PPP2R5E: variants seen among roughly 807,000 people sequenced by gnomAD.
The protein encoded by PPP2R5E is protein phosphatase 2 regulatory subunit B'epsilon, also known as serine/threonine-protein phosphatase 2A 56 kDa regulatory subunit epsilon isoform.
PPP2R5E carries 4 observed loss-of-function variants against 65.3 expected under a neutral mutation model. The ratio of observed to expected loss-of-function variants is 0.06; its 90% CI spans 0.03 to 0.14. PPP2R5E has a LOEUF of 0.14. Among genes scored for constraint, PPP2R5E ranks in the 10% least tolerant of loss-of-function variants. The pLI is 1.00. For missense variants in PPP2R5E, 274 were observed against 556.1 expected (o/e 0.49, Z 5.10); for synonymous variants, 183 against 187.4 (o/e 0.98, Z 0.19).
intron 3 of PPP2R5E, among the ~76,000 whole-genome samples, chr14:63,434,618 A>G (rs1887862784): frequency 6.6e-6 from 1 of 152,166 alleles, no homozygotes; most frequent in South Asian, 2.1e-4. Flanking sequence ...TAATTTCTTT[A>G]CTTCCAGTTA....
chr14:63,530,197 C>G (rs1893353554), intron 2 of PPP2R5E, among the ~76,000 whole-genome samples: 1 of 151,334 alleles, frequency 6.6e-6, no homozygotes, highest in Admixed American at 6.6e-5. Context: ...AACCAGAAAT[C>G]CACGAACCCT....
At chr14:63,403,429 G>A (rs1196665097) in intron 5 of PPP2R5E, among the ~76,000 whole-genome samples, 2 of 149,450 alleles carry the variant, frequency 1.3e-5, no homozygotes, top group South Asian at 2.1e-4. Flanking sequence ...GAATAAAGAC[G>A]TTTTCAGACA....
At chr14:63,488,537 A>G (rs1300505175) in intron 2 of PPP2R5E, among the ~76,000 whole-genome samples, 1 of 152,108 alleles carries the variant, frequency 6.6e-6, no homozygotes, top group Non-Finnish European at 1.5e-5. Flanking sequence ...CCTAGACTCT[A>G]TAATTCCTTC....
intron 2 of PPP2R5E, among the ~76,000 whole-genome samples, chr14:63,465,757 T>C (rs1025664536): frequency 6.6e-6 from 1 of 152,224 alleles, no homozygotes; most frequent in Non-Finnish European, 1.5e-5. Context: ...TGCACTTGTC[T>C]TTTAAGACAA....
rs1264558571 is a variant in PPP2R5E at position 63,397,283 on chromosome 14, C to T, written c.550-567G>A. ...TGGGGAGGCCAAGGCAGGCGCATCA[C>T]CTGAGGTCAGGAGTTTAAGACCAGC... On this transcript the variant is annotated intron_variant, in intron 5 of 13. Coordinates refer to ENST00000337537, the MANE Select transcript of PPP2R5E (RefSeq NM_006246.5). Among the ~76,000 whole-genome samples, 5 of 152,146 alleles carry T rather than the reference C, an allele frequency of 3.3e-5. No individual in the cohort carries two copies. In the South Asian group the frequency reaches 8.3e-4, roughly 25 times the overall value.
At chr14:63,430,364 T>TGC (rs1887579355) in intron 3 of PPP2R5E, among the ~76,000 whole-genome samples, 7 of 131,628 alleles carry the variant, frequency 5.3e-5, no homozygotes, top group South Asian at 4.4e-4. Flanking sequence ...CATACATACA[T>TGC]ACATACATGC....
chr14:63,452,016 C>T (rs1036822597), intron 3 of PPP2R5E: 2 of 152,028 alleles, frequency 1.3e-5, no homozygotes, highest in Non-Finnish European at 2.9e-5. Context: ...TATTATGCAG[C>T]TATAAAAAGA....
At chr14:63,439,924 A>G (rs773846530) in intron 3 of PPP2R5E, among the ~76,000 whole-genome samples, 3 of 152,216 alleles carry the variant, frequency 2.0e-5, no homozygotes, top group Admixed American at 6.5e-5. Context: ...ACAGCTATCC[A>G]CTGAGCAGTG....
At chr14:63,520,457 A>C (rs1206147758) in intron 2 of PPP2R5E, among the ~76,000 whole-genome samples, 1 of 152,212 alleles carries the variant, frequency 6.6e-6, no homozygotes, top group Non-Finnish European at 1.5e-5. Context: ...TTGGAATTCT[A>C]TCTTTGTCTG....
At chr14:63,492,643 A>G (rs1891336795) in intron 2 of PPP2R5E, among the ~76,000 whole-genome samples, 2 of 152,284 alleles carry the variant, frequency 1.3e-5, no homozygotes, top group South Asian at 4.1e-4. Flanking sequence ...TTCTTGTATG[A>G]TGGCACAGAT....
intron 5 of PPP2R5E, among the ~76,000 whole-genome samples, chr14:63,404,146 T>TA (rs1407968323): frequency 1.3e-5 from 2 of 152,166 alleles, no homozygotes; most frequent in Non-Finnish European, 2.9e-5. Context: ...AAAAATCATA[T>TA]AAACATATTG....
chr14:63,538,800 C>G (rs1213004082), intron 2 of PPP2R5E, among the ~76,000 whole-genome samples: 1 of 151,712 alleles, frequency 6.6e-6, no homozygotes, highest in African/African-American at 2.4e-5. Flanking sequence ...CAAAAATTAG[C>G]TGGGCATGGT....
At chr14:63,472,198 G>T (rs1890168031) in intron 2 of PPP2R5E, among the ~76,000 whole-genome samples, 1 of 152,188 alleles carries the variant, frequency 6.6e-6, no homozygotes, top group Non-Finnish European at 1.5e-5. Flanking sequence ...TACTCAGGAG[G>T]CTGAGGCAGG....
intron 3 of PPP2R5E, among the ~76,000 whole-genome samples, chr14:63,427,636 G>C (rs563943129): frequency 2.5e-4 from 38 of 151,900 alleles, no homozygotes; most frequent in African/African-American, 6.5e-4. Flanking sequence ...AAGAAAGAAA[G>C]AAAAAAAGGA....
chr14:63,448,650 G>A (rs1400749765), intron 3 of PPP2R5E, among the ~76,000 whole-genome samples: 8 of 152,076 alleles, frequency 5.3e-5, no homozygotes, highest in Admixed American at 1.3e-4. Flanking sequence ...TTAGCCAGGC[G>A]TGGTGGCTCC....
intron 3 of PPP2R5E, among the ~76,000 whole-genome samples, chr14:63,450,195 A>G (rs1176158461): frequency 1.3e-5 from 2 of 152,130 alleles, no homozygotes; most frequent in East Asian, 1.9e-4. Flanking sequence ...TTTCTACTCT[A>G]TCATAATATC....
intron 3 of PPP2R5E, among the ~76,000 whole-genome samples, chr14:63,422,634 G>T (rs575962927): frequency 3.3e-5 from 5 of 150,844 alleles, no homozygotes; most frequent in Non-Finnish European, 7.4e-5. Flanking sequence ...GCTGAGGCAG[G>T]AGAATGGCGT....
intron 2 of PPP2R5E, among the ~76,000 whole-genome samples, chr14:63,461,639 T>TAAAAAAAA (rs1566719480): frequency 8.6e-4 from 76 of 87,998 alleles, no homozygotes; most frequent in East Asian, 1.2e-3. Context: ...TCTACAAAAT[T>TAAAAAAAA]TAAAAAAAAA....
At chr14:63,387,987 T>A (rs758685338) in intron 11 of PPP2R5E, among the ~76,000 whole-genome samples, 4 of 152,202 alleles carry the variant, frequency 2.6e-5, no homozygotes, top group Non-Finnish European at 5.9e-5. Flanking sequence ...ACTTCTGGCC[T>A]CCAGGGCTGT....
Sources: gnomAD v4.1 joint callset for allele counts (sites outside exome capture counted in the v4.1 genomes callset) on GRCh38, gnomAD v4.1.1 for gene constraint, MANE v1.5 for transcripts, NCBI Gene and HGNC (gene_info 2026-07-23, HGNC 2026-07-21) for gene names.